The following SPG7 variants were observed in gnomAD, a reference collection of about 807,000 sequenced individuals.
SPG7 encodes mitochondrial inner membrane m-AAA protease component paraplegin.
Under a neutral mutation model 81.9 loss-of-function variants are expected in SPG7, and 103 were observed. The ratio of observed to expected loss-of-function variants is 1.26; its 90% CI spans 1.07 to 1.48. The LOEUF (loss-of-function observed/expected upper bound fraction) is 1.48, where lower values mean the gene tolerates loss of function less well. Ranked by LOEUF, SPG7 falls within the 40% of genes most tolerant of loss-of-function variation. The probability of loss-of-function intolerance (pLI) is 0.00; values close to 1 mark genes in which losing one functional copy is unlikely to be tolerated. For missense variants in SPG7, 1,241 were observed against 1,087.3 expected, an observed-to-expected ratio of 1.14 and a Z score of -1.99; for synonymous variants, 534 against 444.2, an observed-to-expected ratio of 1.20 and a Z score of -2.54.
chr16:89,525,305 A>G (rs1422639367), intron 4 of SPG7, among the ~76,000 whole-genome samples: 1 of 152,198 alleles, frequency 6.6e-6, no homozygotes, highest in Non-Finnish European at 1.5e-5. Flanking sequence ...CCTTGTTCTT[A>G]AAATACACCA....
chr16:89,514,130 G>A (rs1026016699), intron 3 of SPG7, among the ~76,000 whole-genome samples: 4 of 152,030 alleles, frequency 2.6e-5, no homozygotes, highest in Non-Finnish European at 4.4e-5. Context: ...CAGTTTAGGC[G>A]TTTCTGGCTT....
At chr16:89,528,395 C>CAA (rs1184740621) in intron 5 of SPG7, among the ~76,000 whole-genome samples, 1 of 93,508 alleles carries the variant, frequency 1.1e-5, no homozygotes, top group Non-Finnish European at 2.2e-5. Context: ...CCATCTCAAA[C>CAA]AAAAAAAAAA....
chr16:89,532,674 C>T, intron 9 of SPG7, 38 bp downstream of exon 9: 1 of 1,611,064 alleles, frequency 6.2e-7, no homozygotes, highest in Non-Finnish European at 8.5e-7. Flanking sequence ...ATTGCACCAT[C>T]AGAGGAGGTT....
At chr16:89,537,089 C>G (rs1228417761) in intron 9 of SPG7, 1 of 1,528,618 alleles carries the variant, frequency 6.5e-7, no homozygotes, top group African/African-American at 1.4e-5. Context: ...AAACAAGTCC[C>G]TTTATGCAGA....
chr16:89,546,952 C>T (rs1053376906), intron 11 of SPG7, 192 bp downstream of exon 11: 73 of 596,876 alleles, frequency 1.2e-4, no homozygotes, highest in Non-Finnish European at 1.9e-4. Context: ...ACCCGCACTC[C>T]GTCCTCCGCC....
At chr16:89,537,377 G>C in intron 9 of SPG7, 3 of 1,119,850 alleles carry the variant, frequency 2.7e-6, no homozygotes, top group Non-Finnish European at 3.3e-6. Context: ...GCGTTGATGG[G>C]GAGCGTCGGC....
At chr16:89,510,401 G>T (rs2058000446) in intron 1 of SPG7, 89 bp from the exon 2 acceptor site, 3 of 750,312 alleles carry the variant, frequency 4.0e-6, no homozygotes, top group Non-Finnish European at 6.9e-6. Context: ...TTATATATTT[G>T]AACTTTTAAA....
intron 9 of SPG7, chr16:89,533,548 G>A (rs1567916411): frequency 6.6e-6 from 1 of 152,072 alleles, no homozygotes; most frequent in Non-Finnish European, 1.5e-5. Flanking sequence ...GAAGAGCTGT[G>A]CCACTCATAA....
intron 11 of SPG7, chr16:89,547,697 C>T (rs762351517): frequency 5.2e-6 from 2 of 387,582 alleles, no homozygotes; most frequent in Non-Finnish European, 9.9e-6. Flanking sequence ...CCCGCAGCCT[C>T]CGCCTCCTGG....
chr16:89,531,060 C>T (rs961265008), intron 7 of SPG7: 2 of 581,790 alleles, frequency 3.4e-6, no homozygotes, highest in Admixed American at 2.9e-5. Flanking sequence ...CCGTCCTGGG[C>T]CCTTCATCCC....
rs758848578 is a variant in SPG7 at position 89,530,820 on chromosome 16, G to A, written c.987+12G>A. 1.9e-5 allele frequency: 30 copies of A among 1,613,846 alleles called. No individual in the cohort carries two copies. The South Asian group carries it at 2.1e-4, about 11-fold the overall frequency. ...TGGATTATCTGAAGGTGAAAGCAGC[G>A]TGGGCCGGGAGGGAGGTGTGAGCAG... On this transcript the variant is annotated intron_variant, in intron 7 of 16. Transcript: ENST00000645818.
chr16:89,530,910 C>T (rs111710531), intron 7 of SPG7, 102 bp downstream of exon 7: 70 of 1,530,548 alleles, frequency 4.6e-5, no homozygotes, highest in East Asian at 6.8e-5. Flanking sequence ...GATGACGTGT[C>T]GTGGGTTGGC....
chr16:89,514,143 G>C (rs1182029634), intron 3 of SPG7, among the ~76,000 whole-genome samples: 1 of 152,018 alleles, frequency 6.6e-6, no homozygotes, highest in East Asian at 1.9e-4. Context: ...TCTGGCTTTA[G>C]GCTCATCTTC....
In SPG7 at chr16:89,550,597, G is replaced by C. The variant is rs758207922; in HGVS notation, c.1767G>C (p.Glu589Asp). The C allele has an allele frequency of 6.2e-7, 1 of 1,613,102 alleles. No individual in the cohort carries two copies. Among genetic ancestry groups the C allele is most frequent in the South Asian group, 1.1e-5 (1 of 91,076 alleles). Residue 589 changes from glutamate (E) to aspartate (D), a missense_variant, in exon 13 of 17, where the codon GAG (glutamate) becomes GAC (aspartate). Physicochemically the swap from Glu to Asp is conservative, Grantham distance 45. Transcript: ENST00000645818. ...ALVGWMLEHT[E>D]AVMKVSITPR... ...TGGGCTGGATGCTGGAGCACACGGA[G>C]GCCGTGATGAAGGTGGGTCTTGGCA... is the stretch of plus-strand genomic sequence containing the variant.
chr16:89,547,937 C>T (rs1362643229), intron 11 of SPG7, 66 bp from the exon 12 acceptor site: 41 of 1,234,630 alleles, frequency 3.3e-5, no homozygotes, highest in African/African-American at 4.4e-5. Flanking sequence ...TTGAGGGCCC[C>T]TTCCTCCTCT....
At chr16:89,530,474 T>C in intron 6 of SPG7, 1 of 637,894 alleles carries the variant, frequency 1.6e-6, no homozygotes, top group South Asian at 1.8e-5. Context: ...AATTGCTAGA[T>C]AAGTTTCTTA....
chr16:89,532,328 C>T (rs1167440896), intron 8 of SPG7, 135 bp from the exon 9 acceptor site: 8 of 1,164,282 alleles, frequency 6.9e-6, no homozygotes, highest in Admixed American at 3.8e-5. Context: ...GAGCAGCTGC[C>T]GTGTGTCTGT....
chr16:89,549,153 T>C (rs1179622533), intron 12 of SPG7: 2 of 456,710 alleles, frequency 4.4e-6, no homozygotes, highest in Admixed American at 4.7e-5. Flanking sequence ...TTTACTTTTA[T>C]GTGGAAATCG....
intron 4 of SPG7, among the ~76,000 whole-genome samples, chr16:89,525,521 C>T (rs1311553770): frequency 1.3e-5 from 2 of 152,176 alleles, no homozygotes; most frequent in Non-Finnish European, 2.9e-5. Flanking sequence ...GTGCCATCCC[C>T]ACCCCTCATC....
Sources: gnomAD v4.1 joint callset for allele counts (sites outside exome capture counted in the v4.1 genomes callset) on GRCh38, gnomAD v4.1.1 for gene constraint, MANE v1.5 for transcripts, NCBI Gene and HGNC (gene_info 2026-07-23, HGNC 2026-07-21) for gene names.